CSMD1: variants seen among roughly 807,000 people sequenced by gnomAD.
CSMD1 encodes the protein CUB and sushi domain-containing protein 1.
A neutral mutation model predicts 417.5 loss-of-function variants in CSMD1; 213 were observed. The observed-to-expected ratio is 0.51, with a 90% CI of 0.46 to 0.57. The LOEUF is 0.57. Among genes scored for constraint, CSMD1 ranks in the 20% least tolerant of loss-of-function variants. CSMD1 has a pLI of 0.00. For synonymous variants in CSMD1, 2,862 were observed against 1,736.8 expected, an observed-to-expected ratio of 1.65 and a Z score of -16.11; for missense variants, 6,923 against 4,529.7, an observed-to-expected ratio of 1.53 and a Z score of -15.17.
chr8:4,982,306 G>A (rs1186308013), intron 1 of CSMD1, among the ~76,000 whole-genome samples: 1 of 152,170 alleles, frequency 6.6e-6, no homozygotes, highest in Non-Finnish European at 1.5e-5. Flanking sequence ...ATGGGAGATT[G>A]CTCCCCCAAT....
intron 2 of CSMD1, among the ~76,000 whole-genome samples, chr8:4,528,268 T>C (rs1585206254): frequency 6.6e-6 from 1 of 152,270 alleles, no homozygotes; most frequent in East Asian, 1.9e-4. Flanking sequence ...ACAAGTCCAA[T>C]TAATCCCTAC....
At chr8:3,276,623 AG>A (rs2117189081) in intron 26 of CSMD1, among the ~76,000 whole-genome samples, 2 of 152,280 alleles carry the variant, frequency 1.3e-5, no homozygotes, top group African/African-American at 4.8e-5. Context: ...ATTCAAGATA[AG>A]TTTTGGGTGG....
intron 7 of CSMD1, among the ~76,000 whole-genome samples, chr8:3,668,463 T>G (rs4875771): frequency 6.6e-6 from 1 of 151,884 alleles, no homozygotes; most frequent in Non-Finnish European, 1.5e-5. Flanking sequence ...GGTGGAGAGA[T>G]GATAGAGTTT....
At chr8:3,434,335 T>C (rs1362906807) in intron 12 of CSMD1, among the ~76,000 whole-genome samples, 1 of 152,200 alleles carries the variant, frequency 6.6e-6, no homozygotes, top group Non-Finnish European at 1.5e-5. Context: ...TTCCTATATG[T>C]AATACCAAAA....
chr8:4,446,717 TTGTG>T (rs147599017), intron 2 of CSMD1, among the ~76,000 whole-genome samples: 17 of 144,556 alleles, frequency 1.2e-4, no homozygotes, highest in African/African-American at 2.9e-4. Context: ...CATGCCTGAG[TTGTG>T]TGTGTGTGTG....
chr8:3,844,679 G>T (rs1216480569), intron 5 of CSMD1, among the ~76,000 whole-genome samples: 1 of 152,144 alleles, frequency 6.6e-6, no homozygotes, highest in African/African-American at 2.4e-5. Flanking sequence ...ATTCATCATT[G>T]TCGGGAACTG....
At chr8:3,316,630 G>T (rs1162081958) in intron 23 of CSMD1, among the ~76,000 whole-genome samples, 1 of 152,070 alleles carries the variant, frequency 6.6e-6, no homozygotes, top group Non-Finnish European at 1.5e-5. Flanking sequence ...CATGGCAGTT[G>T]GGAACACCAA....
chr8:3,471,882 T>C (rs1817125671), intron 11 of CSMD1, among the ~76,000 whole-genome samples: 1 of 152,186 alleles, frequency 6.6e-6, no homozygotes, highest in Non-Finnish European at 1.5e-5. Flanking sequence ...CCGTTAGTTT[T>C]TCCCTACATG....
At chr8:4,202,306 C>G (rs6986823) in intron 3 of CSMD1, among the ~76,000 whole-genome samples, 12 of 152,068 alleles carry the variant, frequency 7.9e-5, no homozygotes, top group African/African-American at 2.9e-4. Context: ...AAGCATCTGC[C>G]TATTTGCTTT....
rs112704370 is a variant in CSMD1 at position 3,912,683 on chromosome 8, A to C, written c.818+85220T>G. On this transcript the variant is annotated intron_variant, in intron 5 of 69. Coordinates refer to ENST00000635120, the MANE Select transcript of CSMD1 (RefSeq NM_033225.6). ...AGTGGAGCATGTTTGATAAACTGAG[A>C]AATACATGCAGAATACGACAACTGA... 2.7e-3 allele frequency among the ~76,000 whole-genome samples: 412 copies of C among 152,310 alleles called. 4 individuals carry two copies. The highest frequency in any genetic ancestry group is 6.8e-3 in the Middle Eastern group (2 of 294).
intron 12 of CSMD1, among the ~76,000 whole-genome samples, chr8:3,425,164 G>A (rs1813752986): frequency 6.6e-6 from 1 of 152,120 alleles, no homozygotes; most frequent in African/African-American, 2.4e-5. Context: ...ACTGTGTCTA[G>A]CCTGTCAATT....
chr8:4,767,958 G>T (rs1342134041), intron 1 of CSMD1, among the ~76,000 whole-genome samples: 1 of 152,078 alleles, frequency 6.6e-6, no homozygotes, highest in Non-Finnish European at 1.5e-5. Context: ...GTACTCGAGG[G>T]CGTGGGTCAA....
At chr8:3,602,639 C>T (rs569895133) in intron 8 of CSMD1, among the ~76,000 whole-genome samples, 1 of 151,924 alleles carries the variant, frequency 6.6e-6, no homozygotes, top group Admixed American at 6.6e-5. Flanking sequence ...GGCTAAGAGT[C>T]ACAGGGTGTT....
intron 2 of CSMD1, among the ~76,000 whole-genome samples, chr8:4,591,648 A>C (rs1360173925): frequency 1.3e-5 from 2 of 152,206 alleles, no homozygotes; most frequent in African/African-American, 2.4e-5. Flanking sequence ...AGGAGAGGGC[A>C]TAAGTATGTA....
chr8:4,872,360 G>T (rs573853033), intron 1 of CSMD1, among the ~76,000 whole-genome samples: 1 of 152,042 alleles, frequency 6.6e-6, no homozygotes, highest in Non-Finnish European at 1.5e-5. Context: ...AAGAGAACAG[G>T]TGGAGGTAAT....
intron 5 of CSMD1, among the ~76,000 whole-genome samples, chr8:3,982,329 C>A (rs1023629093): frequency 1.3e-5 from 2 of 151,754 alleles, no homozygotes; most frequent in South Asian, 2.1e-4. Flanking sequence ...TCCTTCTCTG[C>A]CTCAATATTC....
chr8:3,855,511 G>T lies in CSMD1; in HGVS notation c.819-101469C>A, dbSNP rs150504776. On this transcript the variant is annotated intron_variant, in intron 5 of 69. Transcript: ENST00000635120. Reference sequence around the variant, plus strand: ...TATAAGCTCATATGTCAAAAAACTTGTTTTTTAATCGCCATGTTGCCACTG... The same window carrying T: ...TATAAGCTCATATGTCAAAAAACTTTTTTTTTAATCGCCATGTTGCCACTG... Among the ~76,000 whole-genome samples the T allele has an allele frequency of 3.7e-3, 558 of 152,262 alleles. 3 individuals carry two copies. The highest frequency in any genetic ancestry group is 7.3e-3 in the African/African-American group (304 of 41,554).
chr8:3,882,289 C>G (rs73493874), intron 5 of CSMD1, among the ~76,000 whole-genome samples: 1,842 of 152,282 alleles, frequency 0.012, 34 homozygotes, highest in African/African-American at 0.042. Flanking sequence ...ATCCAATAAA[C>G]ACACAAAGTC....
In CSMD1 at chr8:2,937,607, T is replaced by C. The variant is rs1371004563; in HGVS notation, c.*978A>G. On this transcript the variant is annotated 3_prime_UTR_variant, in exon 70 of 70. Transcript: ENST00000635120. ...TTAAGTAGTATCAGAGAGACAGTAA[T>C]TGGATGAGGATGGTACTAAAGGAGG... The C allele has an allele frequency of 1.3e-5, 2 of 152,184 alleles. No individual in the cohort carries two copies. The highest frequency in any genetic ancestry group is 2.4e-5 in the African/African-American group (1 of 41,452). The allele number at this position is 152,184 out of a possible 1,614,324, so 9.4% of individuals were successfully genotyped here.
Sources: gnomAD v4.1 joint callset for allele counts (sites outside exome capture counted in the v4.1 genomes callset) on GRCh38, gnomAD v4.1.1 for gene constraint, MANE v1.5 for transcripts, NCBI Gene and HGNC (gene_info 2026-07-23, HGNC 2026-07-21) for gene names.